ROBO2: variants seen among roughly 807,000 people sequenced by gnomAD.
The protein encoded by ROBO2 is roundabout guidance receptor 2.
A neutral mutation model predicts 160.8 loss-of-function variants in ROBO2; 53 were observed. The observed-to-expected ratio is 0.33, with a 90% CI of 0.26 to 0.41. ROBO2 has a LOEUF of 0.41. Ranked by LOEUF, ROBO2 falls within the 10% of genes least tolerant of loss-of-function variation. The pLI, the probability that ROBO2 is intolerant of heterozygous loss-of-function variation, is 1.00. For synonymous variants in ROBO2, 664 were observed against 611.7 expected (o/e 1.09, Z -1.26); for missense variants, 1,577 against 1,722.4 (o/e 0.92, Z 1.49).
At chr3:77,300,113 A>C (rs531065751) in intron 2 of ROBO2, among the ~76,000 whole-genome samples, 123 of 152,242 alleles carry the variant, frequency 8.1e-4, no homozygotes, top group African/African-American at 2.7e-3. Flanking sequence ...TCACTTTTGC[A>C]GGTTAGCATA....
intron 2 of ROBO2, among the ~76,000 whole-genome samples, chr3:76,499,559 T>C (rs1055052664): frequency 6.6e-6 from 1 of 152,202 alleles, no homozygotes; most frequent in African/African-American, 2.4e-5. Context: ...AGAAATCAAC[T>C]GTAGGCTTTG....
intron 2 of ROBO2, among the ~76,000 whole-genome samples, chr3:76,410,143 A>G (rs1216657220): frequency 2.6e-5 from 4 of 152,144 alleles, no homozygotes; most frequent in Non-Finnish European, 5.9e-5. Context: ...AGGCAAAACA[A>G]AAATTTTCCA....
intron 2 of ROBO2, among the ~76,000 whole-genome samples, chr3:77,230,592 T>G (rs1194152361): frequency 1.3e-5 from 2 of 152,246 alleles, no homozygotes; most frequent in African/African-American, 2.4e-5. Flanking sequence ...GGCATATTAC[T>G]TTTCTATTAG....
intron 2 of ROBO2, among the ~76,000 whole-genome samples, chr3:76,299,625 G>A (rs1422269132): frequency 2.0e-5 from 3 of 152,116 alleles, no homozygotes; most frequent in Non-Finnish European, 4.4e-5. Context: ...AGACTATTGT[G>A]TCCACAAAAT....
At chr3:76,424,170 A>C (rs1195746908) in intron 2 of ROBO2, among the ~76,000 whole-genome samples, 1 of 152,180 alleles carries the variant, frequency 6.6e-6, no homozygotes, top group Non-Finnish European at 1.5e-5. Context: ...AGTCGTGAAA[A>C]TTTTCATATT....
chr3:76,421,420 ATTTCTTCT>A, intron 2 of ROBO2, among the ~76,000 whole-genome samples: 1 of 151,896 alleles, frequency 6.6e-6, no homozygotes, highest in East Asian at 1.9e-4. Context: ...TTGATTATTC[ATTTCTTCT>A]ATTAAGAGTG....
intron 8 of ROBO2, among the ~76,000 whole-genome samples, chr3:77,552,007 G>C: frequency 6.6e-6 from 1 of 151,994 alleles, no homozygotes; most frequent in East Asian, 1.9e-4. Flanking sequence ...GGCTGCACCT[G>C]CTGATGCTGC....
At chr3:76,970,433 T>C (rs542756390) in intron 2 of ROBO2, among the ~76,000 whole-genome samples, 1 of 152,308 alleles carries the variant, frequency 6.6e-6, no homozygotes, top group South Asian at 2.1e-4. Context: ...CCTCACTTCA[T>C]GGTCAAATCA....
intron 2 of ROBO2, among the ~76,000 whole-genome samples, chr3:75,955,963 T>C: frequency 6.6e-6 from 1 of 151,806 alleles, no homozygotes; most frequent in East Asian, 1.9e-4. Context: ...AAAAGACTTG[T>C]GCTAGGTATA....
chr3:76,769,316 A>G (rs1168785540), intron 2 of ROBO2, among the ~76,000 whole-genome samples: 1 of 151,226 alleles, frequency 6.6e-6, no homozygotes, highest in Non-Finnish European at 1.5e-5. Context: ...AAGTAGATCT[A>G]GAGTGGGGTC....
intron 13 of ROBO2, among the ~76,000 whole-genome samples, chr3:77,569,324 C>A (rs758303658): frequency 2.6e-5 from 4 of 151,984 alleles, no homozygotes; most frequent in Non-Finnish European, 4.4e-5. Flanking sequence ...TTCTCACATC[C>A]TTGCCAACAC....
chr3:77,011,087 T>TTCTTTCTTTCTTTC (rs368908273), intron 2 of ROBO2, among the ~76,000 whole-genome samples: 1 of 71,302 alleles, frequency 1.4e-5, no homozygotes, highest in East Asian at 7.9e-4. Flanking sequence ...CTTTCTTTCT[T>TTCTTTCTTTCTTTC]TTTCTTTCTA....
At chr3:75,989,604 G>A (rs2065508780) in intron 2 of ROBO2, among the ~76,000 whole-genome samples, 1 of 152,138 alleles carries the variant, frequency 6.6e-6, no homozygotes, top group Non-Finnish European at 1.5e-5. Context: ...TGCAGGTTTT[G>A]AAAGAACATG....
rs564938606 is a variant in ROBO2, at chr3:76,635,621, A to G, written c.110-462393A>G. ...TTCATTACCTTTGAACTTCCCCTCTATGTCAGCATTTGTCTCACATACTCT... is the reference window on the plus strand; with the variant it reads ...TTCATTACCTTTGAACTTCCCCTCTGTGTCAGCATTTGTCTCACATACTCT... On this transcript the variant is annotated intron_variant, in intron 2 of 26. Coordinates refer to the ROBO2 transcript ENST00000487694. Among the ~76,000 whole-genome samples the G allele has an allele frequency of 6.1e-4, 93 of 152,254 alleles. 1 individual carries two copies. Among genetic ancestry groups the G allele is most frequent in the Non-Finnish European group, 1.0e-3 (69 of 68,000 alleles).
intron 2 of ROBO2, among the ~76,000 whole-genome samples, chr3:75,975,979 A>G (rs1576353392): frequency 6.6e-6 from 1 of 151,520 alleles, no homozygotes; most frequent in African/African-American, 2.4e-5. Context: ...AGTCACTGCC[A>G]TGCAATTCTG....
At chr3:77,011,656 C>G (rs1001102370) in intron 2 of ROBO2, among the ~76,000 whole-genome samples, 2 of 152,092 alleles carry the variant, frequency 1.3e-5, no homozygotes, top group Non-Finnish European at 2.9e-5. Flanking sequence ...AGATGAACAT[C>G]TCTCTACAGC....
chr3:76,243,898 A>G (rs1359113549), intron 2 of ROBO2, among the ~76,000 whole-genome samples: 2 of 152,224 alleles, frequency 1.3e-5, no homozygotes, highest in Non-Finnish European at 2.9e-5. Flanking sequence ...CTTGTCTATT[A>G]GCAAAGTAGA....
intron 2 of ROBO2, among the ~76,000 whole-genome samples, chr3:76,322,204 A>ATATATAT (rs1320119727): frequency 3.5e-5 from 4 of 114,052 alleles, no homozygotes; most frequent in Admixed American, 8.9e-5. Flanking sequence ...ATATATATAT[A>ATATATAT]ATATACACAC....
chr3:77,124,996 C>T (rs2075177268), intron 2 of ROBO2, among the ~76,000 whole-genome samples: 1 of 151,868 alleles, frequency 6.6e-6, no homozygotes, highest in African/African-American at 2.4e-5. Flanking sequence ...ATACTTAACT[C>T]TAATATGATA....
Sources: allele counts gnomAD v4.1 joint callset (sites outside exome capture counted in the v4.1 genomes callset), GRCh38; gene constraint gnomAD v4.1.1; transcripts MANE v1.5; gene names NCBI Gene and HGNC (gene_info 2026-07-23, HGNC 2026-07-21).